SPATA13: variants seen among roughly 807,000 people sequenced by gnomAD.
SPATA13 encodes the protein spermatogenesis associated 13, also known as spermatogenesis-associated protein 13.
Under a neutral mutation model 104.0 loss-of-function variants are expected in SPATA13, and 50 were observed. The ratio of observed to expected loss-of-function variants is 0.48; its 90% CI spans 0.38 to 0.61. The LOEUF (loss-of-function observed/expected upper bound fraction) is 0.61. SPATA13 is among the 20% of genes least tolerant of loss of function. The pLI, the probability that SPATA13 is intolerant of heterozygous loss-of-function variation, is 0.00. For missense variants in SPATA13, 1,524 were observed against 1,690.6 expected (o/e 0.90, Z 1.73); for synonymous variants, 606 against 667.5 (o/e 0.91, Z 1.42).
intron 3 of SPATA13, among the ~76,000 whole-genome samples, chr13:24,148,806 C>G (rs1388074880): frequency 6.6e-6 from 1 of 152,190 alleles, no homozygotes. Flanking sequence ...CCAGAGAGAT[C>G]TGGAAAGCTT....
At chr13:24,131,807 A>C (rs1301023066) in intron 3 of SPATA13, among the ~76,000 whole-genome samples, 1 of 152,180 alleles carries the variant, frequency 6.6e-6, no homozygotes, top group Non-Finnish European at 1.5e-5. Flanking sequence ...AAGAGAGAGG[A>C]TGAGGACATG....
chr13:24,055,994 A>G (rs1490797887), intron 3 of SPATA13, among the ~76,000 whole-genome samples: 1 of 152,240 alleles, frequency 6.6e-6, no homozygotes, highest in Non-Finnish European at 1.5e-5. Flanking sequence ...TATTAGCATC[A>G]GTGGTTCAAG....
chr13:24,067,150 T>TCAGCC (rs1350944390), intron 3 of SPATA13, among the ~76,000 whole-genome samples: 1 of 152,204 alleles, frequency 6.6e-6, no homozygotes. Flanking sequence ...CATAGACTTC[T>TCAGCC]CAGCCCAGGC....
At position 24,132,883 on chromosome 13, in the gene SPATA13, G is replaced by A. The variant is rs542750036; in HGVS notation, c.-111-89936G>A. The stretch of plus-strand genomic sequence containing the variant: ...CAGCTACTCAGTATGATGAGGGCAC[G>A]AGAATCACTTGAACCTGGGGGGTGG... On this transcript the variant is annotated intron_variant, in intron 3 of 14. Transcript: ENST00000424834. Among the ~76,000 whole-genome samples the A allele has an allele frequency of 4.6e-5, 7 of 152,280 alleles. No homozygotes were observed. In the East Asian group the frequency reaches 5.8e-4, roughly 13 times the overall value.
chr13:24,152,457 A>G (rs2138472223), intron 3 of SPATA13, among the ~76,000 whole-genome samples: 2 of 152,314 alleles, frequency 1.3e-5, no homozygotes, highest in South Asian at 2.1e-4. Context: ...ATCCTGTCAC[A>G]TTGTGTGTAA....
At chr13:24,267,212 C>G (rs914160645) in intron 4 of SPATA13, among the ~76,000 whole-genome samples, 2 of 152,164 alleles carry the variant, frequency 1.3e-5, no homozygotes, top group East Asian at 1.9e-4. Context: ...TAGTGTGACT[C>G]TCTTCCCTGG....
chr13:24,102,214 G>A (rs559860904), intron 3 of SPATA13, among the ~76,000 whole-genome samples: 2 of 152,100 alleles, frequency 1.3e-5, no homozygotes, highest in Admixed American at 1.3e-4. Flanking sequence ...TTTGATTTGC[G>A]TTTTGCTAAT....
chr13:24,211,673 C>T (rs2138589605), intron 1 of SPATA13, among the ~76,000 whole-genome samples: 1 of 152,272 alleles, frequency 6.6e-6, no homozygotes, highest in South Asian at 2.1e-4. Flanking sequence ...GCCATGTTGA[C>T]TCTCTCCCCA....
At chr13:24,298,986 G>T (rs984625803) in intron 11 of SPATA13, among the ~76,000 whole-genome samples, 1 of 152,132 alleles carries the variant, frequency 6.6e-6, no homozygotes, top group African/African-American at 2.4e-5. Context: ...TACACTAAGA[G>T]GAAATCTGAT....
chr13:24,081,952 G>A (rs1448426689), intron 3 of SPATA13, among the ~76,000 whole-genome samples: 1 of 152,202 alleles, frequency 6.6e-6, no homozygotes, highest in African/African-American at 2.4e-5. Context: ...GAGTGGGATT[G>A]ATGAGCCATA....
At chr13:23,985,330 G>C (rs986552658) in intron 2 of SPATA13, among the ~76,000 whole-genome samples, 2 of 152,256 alleles carry the variant, frequency 1.3e-5, no homozygotes, top group Admixed American at 1.3e-4. Flanking sequence ...AGCACACACA[G>C]GGAATCATGG....
At chr13:24,146,374 G>T (rs1174107676) in intron 3 of SPATA13, among the ~76,000 whole-genome samples, 1 of 152,160 alleles carries the variant, frequency 6.6e-6, no homozygotes, top group Non-Finnish European at 1.5e-5. Context: ...CTCTCCCTGC[G>T]GCCAGGCCAG....
At chr13:24,164,806 C>T (rs899226483) in intron 1 of SPATA13, among the ~76,000 whole-genome samples, 1 of 152,140 alleles carries the variant, frequency 6.6e-6, no homozygotes, top group South Asian at 2.1e-4. Flanking sequence ...TTCACAACAT[C>T]GATAGCTCCT....
intron 4 of SPATA13, among the ~76,000 whole-genome samples, chr13:24,264,397 CAAGGTCAGGCCTTAGAAATATTCGGT>C (rs1874198853): frequency 6.6e-6 from 1 of 152,000 alleles, no homozygotes; most frequent in Non-Finnish European, 1.5e-5. Context: ...ATCTTACAGA[CAAGGTCAGGCCTTAGAAATATTCGGT>C]AACTTTTCCT....
Position 24,097,175 on chromosome 13 carries a change from C to T in SPATA13, c.-112+79474C>T, listed in dbSNP as rs370649742. The stretch of plus-strand genomic sequence containing the variant: ...CTGTCAGTGCACCCGGCATGGGTGG[C>T]TGGGTGGGTGTGTGAGGTATTTAAT... On this transcript the variant is annotated intron_variant, in intron 3 of 14. Coordinates refer to the SPATA13 transcript ENST00000424834. Among the ~76,000 whole-genome samples the T allele has an allele frequency of 2.8e-4, 43 of 152,232 alleles. No homozygotes were observed. The East Asian group carries it at 6.8e-3, about 24-fold the overall frequency.
chr13:24,192,568 T>A (rs909498304), intron 1 of SPATA13, among the ~76,000 whole-genome samples: 3 of 152,184 alleles, frequency 2.0e-5, no homozygotes, highest in African/African-American at 7.2e-5. Flanking sequence ...AGTCAAGACC[T>A]GAAGTCCTGT....
At chr13:24,093,949 C>CG (rs11448750) in intron 3 of SPATA13, among the ~76,000 whole-genome samples, 40,113 of 151,920 alleles carry the variant, frequency 0.26, 5,977 homozygotes, top group Non-Finnish European at 0.32. Flanking sequence ...CTCCCCGTCC[C>CG]GGAGGTTAGA....
intron 2 of SPATA13, among the ~76,000 whole-genome samples, chr13:24,236,915 A>G (rs1872603319): frequency 6.6e-6 from 1 of 152,196 alleles, no homozygotes; most frequent in Non-Finnish European, 1.5e-5. Context: ...AATTGAAAAC[A>G]GGACTCAAAC....
chr13:24,004,461 C>G (rs1279907393), intron 2 of SPATA13, among the ~76,000 whole-genome samples: 1 of 152,026 alleles, frequency 6.6e-6, no homozygotes, highest in Non-Finnish European at 1.5e-5. Flanking sequence ...TCTAGGAAAA[C>G]CAAGGGGTTT....
Sources: gnomAD v4.1 joint callset for allele counts (sites outside exome capture counted in the v4.1 genomes callset) on GRCh38, gnomAD v4.1.1 for gene constraint, MANE v1.5 for transcripts, NCBI Gene and HGNC (gene_info 2026-07-23, HGNC 2026-07-21) for gene names.